The following NID2 variants were observed in gnomAD, a reference collection of about 807,000 sequenced individuals.
NID2 encodes nidogen-2.
NID2 carries 83 observed loss-of-function variants against 145.4 expected under a neutral mutation model. The observed-to-expected ratio is 0.57, with a 90% CI of 0.48 to 0.69. The LOEUF is 0.69. Ranked by LOEUF, NID2 falls within the 30% of genes least tolerant of loss-of-function variation. The pLI is 0.00. For synonymous variants in NID2, 739 were observed against 701.3 expected (o/e 1.05, Z -0.85); for missense variants, 1,807 against 1,765.7 (o/e 1.02, Z -0.42).
intron 5 of NID2, among the ~76,000 whole-genome samples, chr14:52,047,122 G>A (rs1249519218): frequency 6.6e-6 from 1 of 152,224 alleles, no homozygotes; most frequent in Non-Finnish European, 1.5e-5. Context: ...GGACATGGCA[G>A]GGAGCAAAAG....
At chr14:52,005,632 A>G in intron 21 of NID2, 105 bp downstream of exon 21, 2 of 1,381,148 alleles carry the variant, frequency 1.4e-6, no homozygotes, top group Non-Finnish European at 2.1e-6. Context: ...GGGCAGGAAG[A>G]AGGCAATGGT....
Position 52,028,828 on chromosome 14 carries a change from G to T in NID2, c.2424C>A (p.Gly808=). ...NCVDENECAT[G]FHRCGPNSVC... Reference sequence around the variant, plus strand: ...CAGAGTTGGGGCCACAGCGATGAAAGCCAGTTGCACATTCATTTTCATCTA... The same window carrying T: ...CAGAGTTGGGGCCACAGCGATGAAATCCAGTTGCACATTCATTTTCATCTA... Residue 808 remains glycine (G), a synonymous_variant, in exon 11 of 22, where the codon GGC becomes GGA. Coordinates refer to ENST00000216286, the MANE Select transcript of NID2 (RefSeq NM_007361.4). 1 of 1,613,764 alleles carries T rather than the reference G, an allele frequency of 6.2e-7. No homozygotes were observed. Among genetic ancestry groups the T allele is most frequent in the Non-Finnish European group, 8.5e-7 (1 of 1,179,914 alleles).
intron 12 of NID2, among the ~76,000 whole-genome samples, chr14:52,022,702 A>C (rs1891445561): frequency 1.3e-5 from 2 of 152,184 alleles, no homozygotes; most frequent in South Asian, 4.1e-4. Context: ...CCTGTTTGGA[A>C]AATGTGTTAA....
chr14:52,006,581 G>T lies in NID2; in HGVS notation c.3960C>A (p.Ser1320Arg). ...VIQNNLKYPF[S>R]IVSYADHFYH... ...AGAAGTGATCTGCATAGCTTACGAT[G>T]CTGAAGGGGTACTTGAGGTTGTTTT... The change falls in exon 20 of 22, where the codon AGC becomes AGA. Residue 1320 changes from serine to arginine, a missense_variant. Ser to Arg is a moderately radical substitution (Grantham distance 110). Transcript: ENST00000216286. 6.2e-7 allele frequency: 1 copy of T among 1,613,862 alleles called. No homozygotes were observed. The highest frequency in any genetic ancestry group is 8.5e-7 in the Non-Finnish European group (1 of 1,179,794).
intron 6 of NID2, 42 bp downstream of exon 6, chr14:52,042,740 G>C: frequency 1.9e-6 from 3 of 1,597,648 alleles, no homozygotes; most frequent in Non-Finnish European, 2.6e-6. Flanking sequence ...CAGGTAAGCA[G>C]CAGGAATAGA....
chr14:52,062,088 C>A (rs550535013), intron 2 of NID2, among the ~76,000 whole-genome samples: 1 of 152,318 alleles, frequency 6.6e-6, no homozygotes, highest in Non-Finnish European at 1.5e-5. Flanking sequence ...AGTCTACTCC[C>A]ACAGTTGTTC....
chr14:52,068,468 G>A (rs1198597442), intron 1 of NID2, among the ~76,000 whole-genome samples: 1 of 152,206 alleles, frequency 6.6e-6, no homozygotes, highest in Non-Finnish European at 1.5e-5. Context: ...TCCGCAGACG[G>A]GCACAGCCTT....
At chr14:52,014,506 G>T (rs369861207) in intron 15 of NID2, 50 bp from the exon 16 acceptor site, 24 of 1,542,970 alleles carry the variant, frequency 1.6e-5, no homozygotes, top group Non-Finnish European at 2.0e-5. Context: ...GGCAGGCAGG[G>T]AGATGGGAAG....
intron 17 of NID2, 84 bp from the exon 18 acceptor site, chr14:52,011,131 G>T: frequency 1.4e-6 from 2 of 1,395,364 alleles, no homozygotes; most frequent in South Asian, 1.2e-5. Context: ...GGGTGGGCAG[G>T]GGGGTCAGCA....
intron 17 of NID2, 27 bp downstream of exon 17, chr14:52,011,527 T>C (rs749158116): frequency 1.2e-6 from 2 of 1,613,262 alleles, no homozygotes; most frequent in Non-Finnish European, 1.7e-6. Context: ...TCAAATGAAA[T>C]GCAGACTGCT....
chr14:52,023,728 T>A (rs1891481576), intron 12 of NID2, among the ~76,000 whole-genome samples: 2 of 152,272 alleles, frequency 1.3e-5, no homozygotes, highest in South Asian at 4.1e-4. Flanking sequence ...CAACACAAGT[T>A]TGAAATCACT....
Position 52,005,284 on chromosome 14 carries a change from C to A in NID2, c.*202G>T. On this transcript the variant is annotated 3_prime_UTR_variant, in exon 22 of 22. Transcript: ENST00000216286. ...TACCTTTTTAAACTTGCAATAACAA[C>A]CTTCATTTTTAAAAATACAGTAGTA... The A allele has an allele frequency of 2.4e-6, 1 of 414,310 alleles. No homozygotes were observed. The highest frequency in any genetic ancestry group is 4.2e-6 in the Non-Finnish European group (1 of 237,748). 25.7% of individuals were successfully genotyped at this position (414,310 alleles called of 1,614,324 possible).
chr14:52,008,495 C>T (rs1277079446), intron 18 of NID2: 1 of 152,532 alleles, frequency 6.6e-6, no homozygotes, highest in Non-Finnish European at 1.5e-5. Flanking sequence ...TGTTATCTTA[C>T]ACTGCTGAGG....
At position 52,011,043 on chromosome 14, in the gene NID2, C is replaced by G; in HGVS notation, c.3555G>C (p.Leu1185=). 2 of 1,613,142 alleles carry G rather than the reference C, an allele frequency of 1.2e-6. No individual in the cohort carries two copies. Among genetic ancestry groups the G allele is most frequent in the East Asian group, 2.2e-5 (1 of 44,838 alleles). Residue 1185 remains leucine (L), a synonymous_variant, in exon 18 of 22, where the codon CTG becomes CTC. Transcript: ENST00000216286. ...CTATGGCAAGTCCTTCAGGGCTTAT[C>G]AGACCTGGAAATAAAGCAAAGTCAG... ...AEPETIVNSG[L]ISPEGLAIDH... is the part of the protein sequence containing the mutation.
chr14:52,024,956 C>A (rs955358641), intron 12 of NID2, among the ~76,000 whole-genome samples: 1 of 152,110 alleles, frequency 6.6e-6, no homozygotes, highest in East Asian at 1.9e-4. Context: ...AATTAATATT[C>A]TGATTAACAC....
chr14:52,020,194 A>T lies in NID2; in HGVS notation c.2675-16T>A, dbSNP rs1371864890. ...TCATCTACATCTGCAGAGGTCAGAAACAGAAGAAAGAAGCAAAGAACACTA... is the reference window on the plus strand; with the variant it reads ...TCATCTACATCTGCAGAGGTCAGAATCAGAAGAAAGAAGCAAAGAACACTA... On this transcript the variant is annotated splice_polypyrimidine_tract_variant and intron_variant, in intron 12 of 21. Coordinates refer to ENST00000216286, the MANE Select transcript of NID2 (RefSeq NM_007361.4). The T allele has an allele frequency of 6.2e-7, 1 of 1,612,972 alleles. No individual in the cohort carries two copies. The highest frequency in any genetic ancestry group is 8.5e-7 in the Non-Finnish European group (1 of 1,179,266).
intron 3 of NID2, among the ~76,000 whole-genome samples, chr14:52,057,829 C>T (rs1319856402): frequency 6.6e-6 from 1 of 151,654 alleles, no homozygotes; most frequent in Admixed American, 6.6e-5. Context: ...TAGTTATTCT[C>T]TCCACTTTTC....
At chr14:52,040,500 G>T in intron 8 of NID2, 151 bp downstream of exon 8, 1 of 661,180 alleles carries the variant, frequency 1.5e-6, no homozygotes. Flanking sequence ...TATATTTCAT[G>T]GTAACAATAA....
chr14:52,005,438 G>A lies in NID2; in HGVS notation c.*48C>T, dbSNP rs780681560. 3.2e-6 allele frequency: 5 copies of A among 1,539,988 alleles called. No homozygotes were observed. The highest frequency in any genetic ancestry group is 4.4e-6 in the Non-Finnish European group (5 of 1,145,366). ...GCCTTTGCAGTCACTGTTCTTTAGGGTCCAGGTTCTGATTGTAAACTCCAA... is the reference window on the plus strand; with the variant it reads ...GCCTTTGCAGTCACTGTTCTTTAGGATCCAGGTTCTGATTGTAAACTCCAA... On this transcript the variant is annotated 3_prime_UTR_variant, in exon 22 of 22. Transcript: ENST00000216286.
Sources: gnomAD v4.1 joint callset for allele counts (sites outside exome capture counted in the v4.1 genomes callset) on GRCh38, gnomAD v4.1.1 for gene constraint, MANE v1.5 for transcripts, NCBI Gene and HGNC (gene_info 2026-07-23, HGNC 2026-07-21) for gene names.